IKBKB: variants seen among roughly 807,000 people sequenced by gnomAD.
IKBKB encodes inhibitor of nuclear factor kappa B kinase subunit beta.
A neutral mutation model predicts 113.6 loss-of-function variants in IKBKB; 42 were observed. The ratio of observed to expected loss-of-function variants is 0.37; its 90% CI spans 0.29 to 0.48. The LOEUF (loss-of-function observed/expected upper bound fraction) is 0.48. Among genes scored for constraint, IKBKB ranks in the 20% least tolerant of loss-of-function variants. IKBKB has a pLI of 0.99. For missense variants in IKBKB, 673 were observed against 939.7 expected, an observed-to-expected ratio of 0.72 and a Z score of 3.71; for synonymous variants, 296 against 361.3, an observed-to-expected ratio of 0.82 and a Z score of 2.05.
chr8:42,279,078 G>A (rs1051222943), intron 2 of IKBKB, among the ~76,000 whole-genome samples: 4 of 152,202 alleles, frequency 2.6e-5, no homozygotes, highest in Non-Finnish European at 5.9e-5. Flanking sequence ...GGAGCAGGAG[G>A]AGTGGAGTGC....
chr8:42,317,033 T>C (rs1178015521), intron 11 of IKBKB, 129 bp downstream of exon 11: 2 of 929,204 alleles, frequency 2.2e-6, no homozygotes, highest in African/African-American at 1.6e-5. Context: ...GATACCTGGC[T>C]GGTTTTTAAG....
At chr8:42,330,704 T>C (rs1369538859) in intron 21 of IKBKB, 1 of 469,314 alleles carries the variant, frequency 2.1e-6, no homozygotes, top group Non-Finnish European at 2.8e-6. Context: ...GAAATGGGGT[T>C]TCACCATTTT....
chr8:42,313,568 G>A (rs535912073), intron 8 of IKBKB, among the ~76,000 whole-genome samples: 4 of 152,308 alleles, frequency 2.6e-5, no homozygotes, highest in East Asian at 1.9e-4. Flanking sequence ...ATGTGTGTGC[G>A]TAGGTTTTGC....
In IKBKB at chr8:42,271,364, C is replaced by T. The variant is rs909258666; in HGVS notation, c.-124C>T. 18 of 1,467,792 alleles carry T rather than the reference C, an allele frequency of 1.2e-5. No homozygotes were observed. In the East Asian group the frequency reaches 1.7e-4, roughly 14 times the overall value. 90.9% of individuals were successfully genotyped at this position (1,467,792 alleles called of 1,614,324 possible). A position where few individuals can be genotyped will look rare whatever the true frequency, so the allele number is the denominator to read the frequency against. On this transcript the variant is annotated 5_prime_UTR_variant, in exon 1 of 22. Coordinates refer to ENST00000520810, the MANE Select transcript of IKBKB (RefSeq NM_001556.3). ...CGCGCTGCCCGCGTTAAGATTCCCGCATTTTAATGTTTTCAGGGGGGTGTC... is the reference window on the plus strand; with the variant it reads ...CGCGCTGCCCGCGTTAAGATTCCCGTATTTTAATGTTTTCAGGGGGGTGTC...
At chr8:42,305,885 C>A (rs1816422879) in intron 6 of IKBKB, among the ~76,000 whole-genome samples, 2 of 152,248 alleles carry the variant, frequency 1.3e-5, no homozygotes, top group African/African-American at 4.8e-5. Context: ...TCACCTAATC[C>A]CTTCCCATAC....
At chr8:42,300,932 G>A (rs1029651919) in intron 5 of IKBKB, among the ~76,000 whole-genome samples, 14 of 152,096 alleles carry the variant, frequency 9.2e-5, no homozygotes, top group South Asian at 4.2e-4. Context: ...ATGTTTCACC[G>A]CAGCCTTGAA....
intron 5 of IKBKB, among the ~76,000 whole-genome samples, chr8:42,304,861 G>C (rs575727189): frequency 6.6e-6 from 1 of 152,240 alleles, no homozygotes; most frequent in East Asian, 1.9e-4. Flanking sequence ...CTTGAATCCA[G>C]AGGTCTCAGG....
chr8:42,319,254 C>G lies in IKBKB; in HGVS notation c.1365-16C>G, dbSNP rs1481571023. 6.2e-7 allele frequency: 1 copy of G among 1,613,552 alleles called. No individual in the cohort carries two copies. The highest frequency in any genetic ancestry group is 8.5e-7 in the Non-Finnish European group (1 of 1,179,570). On this transcript the variant is annotated splice_polypyrimidine_tract_variant and intron_variant, in intron 13 of 21. Transcript: ENST00000520810. ...TCCCAGAGATGCTCCAAGACTGTTCCTTGTGGTCCCTGCAGGATGAATCTC... is the reference window on the plus strand; with the variant it reads ...TCCCAGAGATGCTCCAAGACTGTTCGTTGTGGTCCCTGCAGGATGAATCTC...
rs969192295 is a variant in IKBKB at position 42,298,353 on chromosome 8, C to T, written c.388+4841C>T. Reference sequence around the variant, plus strand: ...TGCTCCAGGCCTTTCGGGAACCCACCCCTCTGTTGCTGTCCCTGCTTCCTT... The same window carrying T: ...TGCTCCAGGCCTTTCGGGAACCCACTCCTCTGTTGCTGTCCCTGCTTCCTT... On this transcript the variant is annotated intron_variant, in intron 5 of 21. Coordinates refer to ENST00000520810, the MANE Select transcript of IKBKB (RefSeq NM_001556.3). 26 of 985,296 alleles carry T rather than the reference C, an allele frequency of 2.6e-5. No individual in the cohort carries two copies. The African/African-American group carries it at 3.7e-4, about 14-fold the overall frequency. 61.0% of individuals were successfully genotyped at this position (985,296 alleles called of 1,614,324 possible).
chr8:42,275,506 T>C (rs1171473427), intron 2 of IKBKB, among the ~76,000 whole-genome samples: 4 of 152,282 alleles, frequency 2.6e-5, no homozygotes, highest in Non-Finnish European at 4.4e-5. Context: ...AGTTTTTTAT[T>C]AGCTCCCACG....
At chr8:42,307,465 C>T (rs1310054331) in intron 7 of IKBKB, among the ~76,000 whole-genome samples, 1 of 152,176 alleles carries the variant, frequency 6.6e-6, no homozygotes. Flanking sequence ...GAAGGAATCA[C>T]ACTGAACAGG....
chr8:42,303,060 GGAGA>G (rs34921450), intron 5 of IKBKB, among the ~76,000 whole-genome samples: 11,024 of 114,034 alleles, frequency 0.097, 1,074 homozygotes, highest in African/African-American at 0.24. Flanking sequence ...TTGCCGAGAG[GGAGA>G]GAGAGAGAGA....
At chr8:42,285,220 C>T (rs1023603887) in intron 2 of IKBKB, among the ~76,000 whole-genome samples, 4 of 152,054 alleles carry the variant, frequency 2.6e-5, no homozygotes, top group Non-Finnish European at 5.9e-5. Flanking sequence ...TTGTGTCCAC[C>T]ATGGTTTGTA....
chr8:42,289,580 G>A (rs866095243), intron 3 of IKBKB, among the ~76,000 whole-genome samples: 6 of 152,196 alleles, frequency 3.9e-5, no homozygotes, highest in South Asian at 4.1e-4. Context: ...GGTGGGCTCC[G>A]AAAGAGCCAG....
chr8:42,271,869 C>G (rs1807826263), intron 1 of IKBKB: 2 of 580,514 alleles, frequency 3.4e-6, no homozygotes, highest in Admixed American at 6.9e-5. Flanking sequence ...TTGCCTGATG[C>G]CACAGCAACC....
intron 20 of IKBKB, among the ~76,000 whole-genome samples, chr8:42,328,491 C>G (rs1446766313): frequency 6.6e-6 from 1 of 152,080 alleles, no homozygotes; most frequent in Non-Finnish European, 1.5e-5. Flanking sequence ...GTGGCTTATT[C>G]CCTTCAGTGA....
chr8:42,285,754 C>A (rs939742076), intron 2 of IKBKB, among the ~76,000 whole-genome samples: 1 of 152,152 alleles, frequency 6.6e-6, no homozygotes, highest in Admixed American at 6.5e-5. Context: ...CAGACGTAAG[C>A]CTGTGGCTGC....
chr8:42,322,557 T>C, intron 19 of IKBKB, 63 bp downstream of exon 19: 4 of 1,564,228 alleles, frequency 2.6e-6, no homozygotes, highest in Non-Finnish European at 3.5e-6. Flanking sequence ...TCCACCTCTG[T>C]GCACTGCCGC....
At position 42,319,609 on chromosome 8, in the gene IKBKB, G is replaced by A. The variant is rs774551534; in HGVS notation, c.1541G>A (p.Trp514Ter). Residue 514 changes from tryptophan (W) to a stop codon, truncating the protein, a stop_gained, in exon 15 of 22, where the codon TGG becomes TAG. Transcript: ENST00000520810. LOFTEE classifies it high-confidence loss of function. ...GCATCAGATAAACTGCTGCTGGCCTGGAGGGAAATGGAGCAGGCTGTGGAG... is the reference window on the plus strand; with the variant it reads ...GCATCAGATAAACTGCTGCTGGCCTAGAGGGAAATGGAGCAGGCTGTGGAG... Reference protein sequence around the residue: ...GITSDKLLLAWREMEQAVELC... With the variant: ...GITSDKLLLA 1 of 1,595,310 alleles carries A rather than the reference G, an allele frequency of 6.3e-7. No individual in the cohort carries two copies. The highest frequency in any genetic ancestry group is 1.1e-5 in the South Asian group (1 of 87,084).
Sources: gnomAD v4.1 joint callset for allele counts (sites outside exome capture counted in the v4.1 genomes callset) on GRCh38, gnomAD v4.1.1 for gene constraint, MANE v1.5 for transcripts, NCBI Gene and HGNC (gene_info 2026-07-23, HGNC 2026-07-21) for gene names.